The following CLDN10 variants were observed in gnomAD, a reference collection of about 807,000 sequenced individuals.
The protein encoded by CLDN10 is claudin-10.
A neutral mutation model predicts 22.9 loss-of-function variants in CLDN10; 15 were observed. The ratio of observed to expected loss-of-function variants is 0.65; its 90% CI spans 0.44 to 1.01. The LOEUF is 1.01. Among genes scored for constraint, CLDN10 ranks in the 50% least tolerant of loss-of-function variants. The pLI, the probability that CLDN10 is intolerant of heterozygous loss-of-function variation, is 0.00. For synonymous variants in CLDN10, 114 were observed against 111.4 expected, an observed-to-expected ratio of 1.02 and a Z score of -0.15; for missense variants, 247 against 287.8, an observed-to-expected ratio of 0.86 and a Z score of 1.03.
upstream of CLDN10, among the ~76,000 whole-genome samples, chr13:95,552,221 A>AC (rs1423090867): frequency 6.6e-6 from 1 of 152,250 alleles, no homozygotes; most frequent in African/African-American, 2.4e-5. Flanking sequence ...AAACAGAGTC[A>AC]CCCAAACAAG....
intron 1 of CLDN10, among the ~76,000 whole-genome samples, chr13:95,476,210 G>A (rs2042684774): frequency 6.6e-6 from 1 of 152,188 alleles, no homozygotes; most frequent in East Asian, 1.9e-4. Flanking sequence ...GAGCTCAAGA[G>A]GGGAGCCTGA....
upstream of CLDN10, among the ~76,000 whole-genome samples, chr13:95,548,281 C>A (rs1034238724): frequency 6.6e-6 from 1 of 152,150 alleles, no homozygotes; most frequent in Non-Finnish European, 1.5e-5. Context: ...CCTTACCCCT[C>A]CCCTTCAGGG....
chr13:95,464,096 A>C (rs1019540732), intron 1 of CLDN10, among the ~76,000 whole-genome samples: 8 of 149,910 alleles, frequency 5.3e-5, no homozygotes, highest in Non-Finnish European at 8.9e-5. Flanking sequence ...GATTTTTTTT[A>C]AATATATATA....
intron 3 of CLDN10, among the ~76,000 whole-genome samples, chr13:95,562,033 G>A (rs2043720567): frequency 6.6e-6 from 1 of 151,700 alleles, no homozygotes; most frequent in Non-Finnish European, 1.5e-5. Flanking sequence ...AGGGTCAAGT[G>A]ATTCTCTTGC....
At chr13:95,459,184 C>G (rs1258193831) in intron 1 of CLDN10, among the ~76,000 whole-genome samples, 1 of 152,208 alleles carries the variant, frequency 6.6e-6, no homozygotes, top group South Asian at 2.1e-4. Flanking sequence ...GCTGCTTTCA[C>G]AGGCTGGCGT....
intron 1 of CLDN10, among the ~76,000 whole-genome samples, chr13:95,556,924 A>C (rs559835739): frequency 6.6e-6 from 1 of 152,382 alleles, no homozygotes; most frequent in African/African-American, 2.4e-5. Context: ...AACACCTTGA[A>C]GCTTTCCTCC....
rs1304603274 is a variant in CLDN10, at chr13:95,552,764, C to T, written c.11C>T (p.Thr4Met). 3.1e-6 allele frequency: 5 copies of T among 1,611,826 alleles called. No individual in the cohort carries two copies. Among genetic ancestry groups the T allele is most frequent in the Middle Eastern group, 1.7e-4 (1 of 5,980 alleles). Reference sequence around the variant, plus strand: ...GCTGCAGCCGGCGGCATGGCTAGCACGGCTTCGGAGATCATCGCCTTCATG... The same window carrying T: ...GCTGCAGCCGGCGGCATGGCTAGCATGGCTTCGGAGATCATCGCCTTCATG... MAS[T>M]ASEIIAFMVS... Residue 4 changes from threonine (T) to methionine (M), a missense_variant, in exon 1 of 5, where the codon ACG becomes ATG. By Grantham distance (81) the Thr-to-Met change is moderately conservative. Coordinates refer to ENST00000299339, the MANE Select transcript of CLDN10 (RefSeq NM_006984.5).
At chr13:95,485,121 G>T (rs989678801) in intron 1 of CLDN10, among the ~76,000 whole-genome samples, 14 of 139,738 alleles carry the variant, frequency 1.0e-4, no homozygotes, top group African/African-American at 3.4e-4. Flanking sequence ...CCACGTGGGG[G>T]TTGCAGCTGG....
At chr13:95,541,352 G>A (rs1327300034) in intron 1 of CLDN10, among the ~76,000 whole-genome samples, 2 of 152,182 alleles carry the variant, frequency 1.3e-5, no homozygotes, top group African/African-American at 4.8e-5. Context: ...GGGCAAGTAT[G>A]GGCAAAACTT....
chr13:95,553,390 G>A (rs971972349), intron 1 of CLDN10, among the ~76,000 whole-genome samples: 1 of 151,896 alleles, frequency 6.6e-6, no homozygotes, highest in Non-Finnish European at 1.5e-5. Context: ...CGAAGGCTGG[G>A]TTCTGATAAA....
intron 1 of CLDN10, among the ~76,000 whole-genome samples, chr13:95,557,008 C>T (rs921044685): frequency 6.6e-6 from 1 of 152,192 alleles, no homozygotes; most frequent in Non-Finnish European, 1.5e-5. Context: ...CTTGTGATTT[C>T]TGTTTATTGT....
chr13:95,572,037 C>A (rs180752407), intron 3 of CLDN10, among the ~76,000 whole-genome samples: 1 of 152,224 alleles, frequency 6.6e-6, no homozygotes, highest in Admixed American at 6.5e-5. Context: ...GAGGTGCTTT[C>A]GTTTGTTAAA....
chr13:95,540,047 T>C (rs1594598238), intron 1 of CLDN10, among the ~76,000 whole-genome samples: 1 of 148,766 alleles, frequency 6.7e-6, no homozygotes, highest in South Asian at 2.2e-4. Flanking sequence ...CGCCTGTAAT[T>C]CCAGCACTTT....
At chr13:95,518,935 T>G (rs921920321) in intron 1 of CLDN10, among the ~76,000 whole-genome samples, 2 of 152,192 alleles carry the variant, frequency 1.3e-5, no homozygotes, top group Non-Finnish European at 2.9e-5. Flanking sequence ...GAGTGTGATC[T>G]TGTGTCATCT....
intron 1 of CLDN10, among the ~76,000 whole-genome samples, chr13:95,458,294 T>C (rs922365637): frequency 2.0e-5 from 3 of 152,208 alleles, no homozygotes. Context: ...TCTTGTTGTT[T>C]TGTTTTTTGA....
chr13:95,542,995 G>C (rs2043474559), intron 1 of CLDN10, among the ~76,000 whole-genome samples: 1 of 152,072 alleles, frequency 6.6e-6, no homozygotes, highest in African/African-American at 2.4e-5. Context: ...ACTTTGGGAG[G>C]CCAAGGCAGG....
intron 1 of CLDN10, among the ~76,000 whole-genome samples, chr13:95,541,529 T>G (rs2043460570): frequency 6.6e-6 from 1 of 152,210 alleles, no homozygotes; most frequent in South Asian, 2.1e-4. Context: ...TTCCTTCTTG[T>G]TTTTCCTTTG....
intron 1 of CLDN10, among the ~76,000 whole-genome samples, chr13:95,464,823 C>G (rs1196335460): frequency 6.6e-6 from 1 of 152,030 alleles, no homozygotes; most frequent in Non-Finnish European, 1.5e-5. Flanking sequence ...CCTCTGCCTC[C>G]CAGGCTCAAG....
chr13:95,482,760 T>C (rs1340441547), intron 1 of CLDN10, among the ~76,000 whole-genome samples: 2 of 152,176 alleles, frequency 1.3e-5, no homozygotes, highest in Non-Finnish European at 2.9e-5. Context: ...GTGGATCACC[T>C]GAGGTCAGGA....
Sources: gnomAD v4.1 joint callset for allele counts (sites outside exome capture counted in the v4.1 genomes callset) on GRCh38, gnomAD v4.1.1 for gene constraint, MANE v1.5 for transcripts, NCBI Gene and HGNC (gene_info 2026-07-23, HGNC 2026-07-21) for gene names.